TTC39B: variants seen among roughly 807,000 people sequenced by gnomAD.
TTC39B encodes the protein tetratricopeptide repeat domain 39B.
A neutral mutation model predicts 96.6 loss-of-function variants in TTC39B; 92 were observed. The observed-to-expected ratio is 0.95, with a 90% CI of 0.80 to 1.13. The LOEUF is 1.13. Ranked by LOEUF, TTC39B falls within the 50% of genes most tolerant of loss-of-function variation. TTC39B has a pLI of 0.00. For missense variants in TTC39B, 955 were observed against 809.3 expected, an observed-to-expected ratio of 1.18 and a Z score of -2.18; for synonymous variants, 367 against 299.4, an observed-to-expected ratio of 1.23 and a Z score of -2.33.
chr9:15,214,732 T>C (rs539008668), intron 3 of TTC39B, among the ~76,000 whole-genome samples: 8 of 152,352 alleles, frequency 5.3e-5, no homozygotes, highest in African/African-American at 1.9e-4. Context: ...CTGCCAAATG[T>C]CCTCATCTAT....
At chr9:15,239,173 A>G (rs952932859) in intron 2 of TTC39B, among the ~76,000 whole-genome samples, 5 of 152,194 alleles carry the variant, frequency 3.3e-5, no homozygotes, top group Non-Finnish European at 7.3e-5. Flanking sequence ...AATGCTCAAC[A>G]TCACTAATCA....
rs1817532633 is a variant in TTC39B, at chr9:15,166,995, TATATATATA to T, written c.*5015_*5023del. 3.8e-4 allele frequency: 2 copies of T among 5,320 alleles called. 1 individual carries two copies. Among genetic ancestry groups the T allele is most frequent in the Non-Finnish European group, 7.2e-4 (2 of 2,782 alleles). The allele number at this position is 5,320 out of a possible 1,614,324, so 0.3% of individuals were successfully genotyped here. The stretch of plus-strand genomic sequence containing the variant: ...CAAACCTTTATTTTATATATATATA[TATATATATA>T]TATATATATATATATATATATATAT... On this transcript the variant is annotated 3_prime_UTR_variant, in exon 20 of 20. Coordinates refer to ENST00000512701, the Ensembl canonical transcript of TTC39B.
intron 2 of TTC39B, 63 bp from the exon 3 acceptor site, chr9:15,226,075 C>G (rs1231005975): frequency 7.2e-7 from 1 of 1,386,126 alleles, no homozygotes; most frequent in African/African-American, 1.4e-5. Context: ...AAGTCTACAC[C>G]AGTGCAATTA....
At chr9:15,165,925 C>G (rs1452038796) in exon 20 of TTC39B, 1 of 152,136 alleles carries the variant, frequency 6.6e-6, no homozygotes, top group Non-Finnish European at 1.5e-5. Flanking sequence ...AAATAATATT[C>G]TTTATTATAC....
intron 2 of TTC39B, among the ~76,000 whole-genome samples, chr9:15,252,775 T>C (rs1822610655): frequency 6.6e-6 from 1 of 152,332 alleles, no homozygotes; most frequent in South Asian, 2.1e-4. Flanking sequence ...AAGATACTAA[T>C]CGTAGGGGGA....
At chr9:15,223,504 G>C (rs557911219) in intron 3 of TTC39B, among the ~76,000 whole-genome samples, 3 of 152,304 alleles carry the variant, frequency 2.0e-5, no homozygotes, top group East Asian at 3.9e-4. Context: ...GCTAGTTGTG[G>C]AATGAGGAGT....
At chr9:15,229,466 T>A (rs1369716503) in intron 2 of TTC39B, among the ~76,000 whole-genome samples, 1 of 152,252 alleles carries the variant, frequency 6.6e-6, no homozygotes, top group Non-Finnish European at 1.5e-5. Context: ...CTGGTAGATA[T>A]GCAAATAATT....
intron 4 of TTC39B, among the ~76,000 whole-genome samples, chr9:15,212,707 G>A (rs748512733): frequency 1.3e-5 from 2 of 152,188 alleles, no homozygotes; most frequent in Non-Finnish European, 2.9e-5. Flanking sequence ...GATTACAGGC[G>A]TGAGCCATTT....
At chr9:15,235,341 A>T (rs965336309) in intron 2 of TTC39B, among the ~76,000 whole-genome samples, 6 of 152,226 alleles carry the variant, frequency 3.9e-5, no homozygotes, top group Admixed American at 2.6e-4. Context: ...TATGGCTTAT[A>T]GGCATTCCTG....
In TTC39B at chr9:15,192,621, C is replaced by G. The variant is rs560744000; in HGVS notation, c.899G>C (p.Gly300Ala). The change falls in exon 9 of 20, where the codon GGT becomes GCT. Residue 300 changes from glycine to alanine, a missense_variant. Transcript: ENST00000512701. ...AAAGGCCCCACTGCCAAGCTTGACA[C>G]CCCCTTCAAACTCATAGAAGAATTC... The G allele has an allele frequency of 4.8e-4, 775 of 1,613,992 alleles. 10 individuals carry two copies. In the South Asian group the frequency reaches 7.6e-3, roughly 16 times the overall value.
intron 2 of TTC39B, among the ~76,000 whole-genome samples, chr9:15,234,490 G>C (rs962619651): frequency 1.9e-4 from 29 of 152,094 alleles, no homozygotes; most frequent in Middle Eastern, 3.4e-3. Flanking sequence ...TGGGAAGTGA[G>C]GAGCCCCTCT....
At chr9:15,221,221 T>A (rs1820824890) in intron 3 of TTC39B, among the ~76,000 whole-genome samples, 3 of 152,148 alleles carry the variant, frequency 2.0e-5, no homozygotes, top group African/African-American at 7.2e-5. Flanking sequence ...CTGTGGTTTG[T>A]CAAACAGCAA....
chr9:15,173,413 C>T (rs563630657), intron 19 of TTC39B, among the ~76,000 whole-genome samples: 4 of 152,284 alleles, frequency 2.6e-5, no homozygotes, highest in African/African-American at 9.6e-5. Flanking sequence ...CCTAAAGTAG[C>T]GGACTCCATT....
intron 1 of TTC39B, among the ~76,000 whole-genome samples, chr9:15,271,755 T>C (rs1823361987): frequency 6.6e-6 from 1 of 152,226 alleles, no homozygotes; most frequent in Non-Finnish European, 1.5e-5. Context: ...GCAATCTTAA[T>C]CTAACATTCT....
Position 15,185,409 on chromosome 9 carries a change from G to A in TTC39B, c.1488-3C>T. On this transcript the variant is annotated splice_region_variant and splice_polypyrimidine_tract_variant and intron_variant, in intron 15 of 19. Transcript: ENST00000512701. The stretch of plus-strand genomic sequence containing the variant: ...TCTGCTTCAAGCTGTCCACCTGTCT[G>A]TGAAGAACCCCAGCCCAGCCCCAGA... 1 of 1,613,480 alleles carries A rather than the reference G, an allele frequency of 6.2e-7. No homozygotes were observed. The highest frequency in any genetic ancestry group is 1.1e-5 in the South Asian group (1 of 91,068).
chr9:15,164,001 A>G (rs1817475912), exon 20 of TTC39B: 1 of 152,238 alleles, frequency 6.6e-6, no homozygotes, highest in Non-Finnish European at 1.5e-5. Context: ...TTTTATGTTA[A>G]AAATATCAGA....
intron 8 of TTC39B, among the ~76,000 whole-genome samples, chr9:15,196,804 G>A (rs1264319266): frequency 6.6e-6 from 1 of 152,188 alleles, no homozygotes; most frequent in Non-Finnish European, 1.5e-5. Flanking sequence ...TGGGTAAAGT[G>A]CCATCAAGTG....
chr9:15,170,033 A>G (rs1388802837), exon 20 of TTC39B: 2 of 152,184 alleles, frequency 1.3e-5, no homozygotes, highest in African/African-American at 2.4e-5. Context: ...CTTTTTTCCA[A>G]AAAGCTTTTT....
intron 2 of TTC39B, among the ~76,000 whole-genome samples, chr9:15,241,883 C>T (rs1339737486): frequency 1.3e-5 from 2 of 151,774 alleles, no homozygotes; most frequent in Non-Finnish European, 2.9e-5. Context: ...GCTGGGACTA[C>T]AGGCACATGC....
Sources: allele counts gnomAD v4.1 joint callset (sites outside exome capture counted in the v4.1 genomes callset), GRCh38; gene constraint gnomAD v4.1.1; transcripts MANE v1.5; gene names NCBI Gene and HGNC (gene_info 2026-07-23, HGNC 2026-07-21).